The following ATOX1 variants were observed in gnomAD, a reference collection of about 807,000 sequenced individuals.
ATOX1 encodes antioxidant 1 copper chaperone.
In ATOX1, 4 loss-of-function variants were observed where a neutral mutation model predicts 7.3. The ratio of observed to expected loss-of-function variants is 0.55; its 90% CI spans 0.27 to 1.25. The LOEUF is 1.25. Ranked by LOEUF, ATOX1 falls within the 50% of genes most tolerant of loss-of-function variation. The probability of loss-of-function intolerance (pLI) is 0.12; values close to 1 mark genes in which losing one functional copy is unlikely to be tolerated. For missense variants in ATOX1, 68 were observed against 81.6 expected (o/e 0.83, Z 0.64); for synonymous variants, 25 against 28.7 (o/e 0.87, Z 0.41).
In ATOX1 at chr5:151,746,420, T is replaced by C; in HGVS notation, c.112A>G (p.Lys38Glu). ...GVKYDIDLPN[K>E]KVCIESEHSM... ...TGCTCAGATTCAATGCAGACCTTCT[T>C]GTTGGGCAGGTCAATGTCATACTTA... The change falls in exon 3 of 4, where the codon AAG becomes GAG. Residue 38 changes from lysine to glutamate, a missense_variant. Transcript: ENST00000313115. 1 of 1,613,890 alleles carries C rather than the reference T, an allele frequency of 6.2e-7. No homozygotes were observed. Among genetic ancestry groups the C allele is most frequent in the Non-Finnish European group, 8.5e-7 (1 of 1,179,808 alleles).
intron 1 of ATOX1, among the ~76,000 whole-genome samples, chr5:151,753,065 A>G (rs1032621465): frequency 2.6e-5 from 4 of 152,212 alleles, no homozygotes; most frequent in African/African-American, 9.6e-5. Context: ...CTTGCACTAG[A>G]GGAAGTCAGC....
chr5:151,747,436 C>G (rs574272346), intron 2 of ATOX1, among the ~76,000 whole-genome samples: 19 of 151,650 alleles, frequency 1.3e-4, no homozygotes, highest in Non-Finnish European at 1.9e-4. Flanking sequence ...CAGGCACATG[C>G]CACTATGCCT....
intron 1 of ATOX1, among the ~76,000 whole-genome samples, chr5:151,754,763 A>G (rs1481093689): frequency 6.6e-6 from 1 of 151,960 alleles, no homozygotes; most frequent in Non-Finnish European, 1.5e-5. Flanking sequence ...AGGCGGGAGG[A>G]TCACGAGGTC....
At chr5:151,744,160 T>G (rs1248302271) in intron 3 of ATOX1, 1 of 151,996 alleles carries the variant, frequency 6.6e-6, no homozygotes, top group Non-Finnish European at 1.5e-5. Flanking sequence ...AGATGGGTAG[T>G]GGGGAGTGAC....
intron 2 of ATOX1, 138 bp downstream of exon 2, chr5:151,751,566 A>G (rs1196521825): frequency 2.6e-6 from 2 of 760,606 alleles, no homozygotes; most frequent in Admixed American, 6.1e-5. Context: ...GAAAATAACA[A>G]GAGTAGTTGG....
chr5:151,755,550 GCA>G (rs1413186145), intron 1 of ATOX1, among the ~76,000 whole-genome samples: 1 of 152,152 alleles, frequency 6.6e-6, no homozygotes, highest in Admixed American at 6.5e-5. Context: ...TTTTTAGGGA[GCA>G]CAGTTTTTTG....
Position 151,742,964 on chromosome 5 carries a change from G to A in ATOX1, c.*47-5C>T, listed in dbSNP as rs1315113996. 6.6e-6 allele frequency: 1 copy of A among 152,390 alleles called. No homozygotes were observed. Among genetic ancestry groups the A allele is most frequent in the East Asian group, 1.9e-4 (1 of 5,210 alleles). The allele number at this position is 152,390 out of a possible 1,614,324, so 9.4% of individuals were successfully genotyped here. A position where few individuals can be genotyped will look rare whatever the true frequency, so the allele number is the denominator to read the frequency against. The stretch of plus-strand genomic sequence containing the variant: ...GCCAGCGGGAGGATCAGCATCCTAG[G>A]AAAGATGGAAAGTTAGATGGAACAA... On this transcript the variant is annotated splice_polypyrimidine_tract_variant and splice_region_variant and intron_variant, in intron 3 of 3. Transcript: ENST00000313115.
At chr5:151,753,642 T>G (rs1581558626) in intron 1 of ATOX1, among the ~76,000 whole-genome samples, 1 of 152,144 alleles carries the variant, frequency 6.6e-6, no homozygotes, top group African/African-American at 2.4e-5. Flanking sequence ...ACCAAAAGGG[T>G]ATTAGCTAAC....
At chr5:151,753,880 G>A (rs926316233) in intron 1 of ATOX1, 3 of 152,218 alleles carry the variant, frequency 2.0e-5, no homozygotes, top group Non-Finnish European at 4.4e-5. Flanking sequence ...GCTGAGTCTG[G>A]ATTGTCACTG....
At chr5:151,757,733 T>G (rs1232983671) in intron 1 of ATOX1, among the ~76,000 whole-genome samples, 1 of 152,250 alleles carries the variant, frequency 6.6e-6, no homozygotes, top group Non-Finnish European at 1.5e-5. Context: ...TGGTCAGGCC[T>G]GGAGAGATGG....
At chr5:151,758,429 C>CA in intron 1 of ATOX1, 117 bp downstream of exon 1, 1 of 1,351,970 alleles carries the variant, frequency 7.4e-7, no homozygotes, top group Non-Finnish European at 9.6e-7. Context: ...TAGGGGACAA[C>CA]AGCGGCTCCG....
At chr5:151,755,714 G>A (rs1264847089) in intron 1 of ATOX1, among the ~76,000 whole-genome samples, 1 of 152,078 alleles carries the variant, frequency 6.6e-6, no homozygotes, top group Non-Finnish European at 1.5e-5. Flanking sequence ...CTCCACCTCT[G>A]AGGGGCAAAA....
chr5:151,745,296 A>C (rs531857305), intron 3 of ATOX1: 1 of 152,354 alleles, frequency 6.6e-6, no homozygotes, highest in East Asian at 1.9e-4. Flanking sequence ...ACTCCGATTC[A>C]GGATATCTGA....
chr5:151,755,686 C>T (rs1762005561), intron 1 of ATOX1, among the ~76,000 whole-genome samples: 1 of 152,144 alleles, frequency 6.6e-6, no homozygotes, highest in African/African-American at 2.4e-5. Context: ...ATAAACATTA[C>T]AGTTCAGTGC....
At chr5:151,746,939 G>T (rs1761885648) in intron 2 of ATOX1, among the ~76,000 whole-genome samples, 1 of 152,056 alleles carries the variant, frequency 6.6e-6, no homozygotes, top group South Asian at 2.1e-4. Flanking sequence ...TTGTCATGTT[G>T]CCCAGGCTGG....
chr5:151,756,013 C>A (rs1257907761), intron 1 of ATOX1, among the ~76,000 whole-genome samples: 1 of 149,564 alleles, frequency 6.7e-6, no homozygotes, highest in Admixed American at 6.7e-5. Flanking sequence ...ACGATCTCAG[C>A]TCACTGCAAC....
At chr5:151,749,130 T>A (rs1237262015) in intron 2 of ATOX1, among the ~76,000 whole-genome samples, 1 of 152,052 alleles carries the variant, frequency 6.6e-6, no homozygotes. Flanking sequence ...ATTAGGCCCA[T>A]CCCCACTTCA....
At chr5:151,752,145 TG>T (rs976217038) in intron 1 of ATOX1, 6 of 637,950 alleles carry the variant, frequency 9.4e-6, no homozygotes, top group Non-Finnish European at 1.7e-5. Context: ...CTGACAGGGA[TG>T]GGCCCCCATA....
intron 1 of ATOX1, chr5:151,752,197 C>T (rs1761959195): frequency 1.4e-6 from 1 of 700,828 alleles, no homozygotes. Context: ...TTATGAACCA[C>T]AAAATTATTT....
Sources: gnomAD v4.1 joint callset for allele counts (sites outside exome capture counted in the v4.1 genomes callset) on GRCh38, gnomAD v4.1.1 for gene constraint, MANE v1.5 for transcripts, NCBI Gene and HGNC (gene_info 2026-07-23, HGNC 2026-07-21) for gene names.